The following MS4A14 variants were observed in gnomAD, a reference collection of about 807,000 sequenced individuals.
The protein encoded by MS4A14 is membrane-spanning 4-domains subfamily A member 14.
In MS4A14, 18 loss-of-function variants were observed where a neutral mutation model predicts 16.7. The ratio of observed to expected loss-of-function variants is 1.08; its 90% confidence interval spans 0.75 to 1.60. MS4A14 has a LOEUF of 1.60. Among genes scored for constraint, MS4A14 ranks in the 40% most tolerant of loss-of-function variants. The pLI, the probability that MS4A14 is intolerant of heterozygous loss-of-function variation, is 0.00. For missense variants in MS4A14, 812 were observed against 775.3 expected, an observed-to-expected ratio of 1.05 and a Z score of -0.56; for synonymous variants, 305 against 289.4, an observed-to-expected ratio of 1.05 and a Z score of -0.55.
Position 60,416,820 on chromosome 11 carries a change from A to C in MS4A14, c.1852A>C (p.Lys618Gln). 6.2e-7 allele frequency: 1 copy of C among 1,613,760 alleles called. No individual in the cohort carries two copies. Among genetic ancestry groups the C allele is most frequent in the Non-Finnish European group, 8.5e-7 (1 of 1,179,834 alleles). The change falls in exon 5 of 5, where the codon AAA (lysine) becomes CAA (glutamine). Residue 618 changes from lysine to glutamine, a missense_variant. Lys to Gln is a moderately conservative substitution (Grantham distance 53). Coordinates refer to ENST00000300187, the MANE Select transcript of MS4A14 (RefSeq NM_032597.5). The part of the protein sequence containing the change: ...DQPAQEKKSP[K>Q]GQFQNVQAEG... ...GCCGGCCCAAGAGAAGAAATCCCCG[A>C]AAGGACAATTCCAAAATGTTCAAGC...
chr11:60,402,536 G>C (rs1190757784), intron 3 of MS4A14, among the ~76,000 whole-genome samples: 1 of 152,140 alleles, frequency 6.6e-6, no homozygotes, highest in African/African-American at 2.4e-5. Context: ...CAGGAGATTA[G>C]GTTACTTGCC....
chr11:60,400,377 A>T, intron 2 of MS4A14, 27 bp from the exon 3 acceptor site: 1 of 1,541,330 alleles, frequency 6.5e-7, no homozygotes. Flanking sequence ...ATCACCTGTT[A>T]ACTTTTGTCT....
At position 60,400,481 on chromosome 11, in the gene MS4A14, T is replaced by C. The variant is rs11826388; in HGVS notation, c.318+27T>C. On this transcript the variant is annotated intron_variant, in intron 3 of 4. Coordinates refer to ENST00000300187, the MANE Select transcript of MS4A14 (RefSeq NM_032597.5). The stretch of plus-strand genomic sequence containing the variant: ...TAAGCCACTTAAACTACATAAAATT[T>C]AAAATCTTCTATTTGTTTTATATCA... The C allele has an allele frequency of 1.4e-3, 2,102 of 1,493,396 alleles. 41 individuals are homozygous for C. The African/African-American group carries it at 0.027, about 19-fold the overall frequency. The allele number at this position is 1,493,396 out of a possible 1,614,324, so 92.5% of individuals were successfully genotyped here.
rs745552189 is a variant in MS4A14, at chr11:60,396,733, C to T, written c.138+17C>T. ...GTCTTGGGGGTAAGTCCTCTCCAGT[C>T]AATAGGTCTTCCAGAAGGGGAGAAA... is the stretch of plus-strand genomic sequence containing the variant. On this transcript the variant is annotated intron_variant, in intron 1 of 4. Coordinates refer to ENST00000300187, the MANE Select transcript of MS4A14 (RefSeq NM_032597.5). 20 of 1,607,950 alleles carry T rather than the reference C, an allele frequency of 1.2e-5. No individual in the cohort carries two copies. In the East Asian group the frequency reaches 4.5e-4, roughly 36 times the overall value.
At chr11:60,397,453 G>T (rs890823433) in intron 1 of MS4A14, among the ~76,000 whole-genome samples, 1 of 152,076 alleles carries the variant, frequency 6.6e-6, no homozygotes, top group African/African-American at 2.4e-5. Flanking sequence ...GGGGGTGGGG[G>T]CTGTTAGGAT....
At position 60,416,586 on chromosome 11, in the gene MS4A14, T is replaced by G; in HGVS notation, c.1618T>G (p.Trp540Gly). 1.9e-6 allele frequency: 3 copies of G among 1,613,850 alleles called. No individual in the cohort carries two copies. Among genetic ancestry groups the G allele is most frequent in the Non-Finnish European group, 2.5e-6 (3 of 1,179,930 alleles). Residue 540 changes from tryptophan (W) to glycine (G), a missense_variant, in exon 5 of 5, where the codon TGG (tryptophan) becomes GGG (glycine). Transcript: ENST00000300187. ...QKSLDQQIKD[W>G]LSPKRHSVDK... ...ATCCTTAGACCAGCAAATCAAAGAC[T>G]GGCTATCCCCAAAGAGGCACTCCGT...
intron 4 of MS4A14, among the ~76,000 whole-genome samples, chr11:60,407,222 C>T (rs1477207190): frequency 4.6e-5 from 7 of 151,890 alleles, no homozygotes; most frequent in African/African-American, 1.5e-4. Flanking sequence ...GGTTTTGCCA[C>T]GTTGCCCAGG....
Position 60,416,292 on chromosome 11 carries a change from C to T in MS4A14, c.1324C>T (p.Pro442Ser), listed in dbSNP as rs754046117. 3 of 1,613,844 alleles carry T rather than the reference C, an allele frequency of 1.9e-6. No homozygotes were observed. The highest frequency in any genetic ancestry group is 2.7e-5 in the African/African-American group (2 of 74,878). Residue 442 changes from proline (P) to serine (S), a missense_variant, in exon 5 of 5, where the codon CCA (proline) becomes TCA (serine). Physicochemically the swap from Pro to Ser is moderately conservative, Grantham distance 74. Coordinates refer to ENST00000300187, the MANE Select transcript of MS4A14 (RefSeq NM_032597.5). ...HLLQQPPDLQ[P>S]ENTEPQNQQI... ...ACTTCAGCAGCCCCCAGATCTTCAA[C>T]CAGAAAACACTGAACCTCAAAACCA...
At chr11:60,402,779 A>G (rs150462937) in intron 3 of MS4A14, 133 bp from the exon 4 acceptor site, 4 of 891,442 alleles carry the variant, frequency 4.5e-6, no homozygotes, top group East Asian at 2.5e-5. Flanking sequence ...AAGCCTTCCA[A>G]TCATACTGAC....
intron 3 of MS4A14, among the ~76,000 whole-genome samples, chr11:60,401,937 G>A (rs1036296514): frequency 3.3e-5 from 5 of 152,316 alleles, no homozygotes; most frequent in African/African-American, 1.2e-4. Flanking sequence ...GCCACACCAA[G>A]CCACAAACTT....
intron 4 of MS4A14, 59 bp from the exon 5 acceptor site, chr11:60,415,378 C>T: frequency 7.8e-7 from 1 of 1,288,844 alleles, no homozygotes. Flanking sequence ...ACTTGGAAAA[C>T]AAAAAAAAAA....
intron 4 of MS4A14, chr11:60,405,819 T>C: frequency 8.6e-7 from 1 of 1,163,404 alleles, no homozygotes; most frequent in East Asian, 2.6e-5. Flanking sequence ...GTGTAAGGGG[T>C]TCTCAGCTTA....
intron 2 of MS4A14, among the ~76,000 whole-genome samples, chr11:60,400,126 C>T (rs2085689351): frequency 6.6e-6 from 1 of 152,134 alleles, no homozygotes; most frequent in Non-Finnish European, 1.5e-5. Flanking sequence ...CTTTTTGGAG[C>T]CCCAGCCGGA....
chr11:60,407,276 C>T (rs1325221467), intron 4 of MS4A14, among the ~76,000 whole-genome samples: 12 of 152,168 alleles, frequency 7.9e-5, no homozygotes, highest in Admixed American at 7.9e-4. Flanking sequence ...CCACCATGAC[C>T]TTCCAAAGTT....
In MS4A14 at chr11:60,415,741, A is replaced by G; in HGVS notation, c.773A>G (p.Lys258Arg). 2 of 1,613,932 alleles carry G rather than the reference A, an allele frequency of 1.2e-6. No individual in the cohort carries two copies. Among genetic ancestry groups the G allele is most frequent in the Non-Finnish European group, 1.7e-6 (2 of 1,179,892 alleles). ...IEPLPPTLEK[K>R]PSENMSIQLD... ...CCTTTGCCTCCCACACTAGAGAAAA[A>G]GCCCTCAGAAAATATGTCCATTCAG... is the stretch of plus-strand genomic sequence containing the variant. Residue 258 changes from lysine (K) to arginine (R), a missense_variant, in exon 5 of 5, where the codon AAG (lysine) becomes AGG (arginine). Physicochemically the swap from Lys to Arg is conservative, Grantham distance 26 (BLOSUM62 2). Coordinates refer to ENST00000300187, the MANE Select transcript of MS4A14 (RefSeq NM_032597.5).
rs1565181793 is a variant in MS4A14 at position 60,416,622 on chromosome 11, G to A, written c.1654G>A (p.Ala552Thr). 10 of 1,613,894 alleles carry A rather than the reference G, an allele frequency of 6.2e-6. No homozygotes were observed. Among genetic ancestry groups the A allele is most frequent in the Middle Eastern group, 3.3e-4 (2 of 6,062 alleles). ...AAAGAGGCACTCCGTAGATAAGCAA[G>A]CTCAACTTAATCAAACTAAAGAGCA... ...SPKRHSVDKQ[A>T]QLNQTKEQLP... is the part of the protein sequence containing the mutation. Residue 552 changes from alanine (A) to threonine (T), a missense_variant, in exon 5 of 5, where the codon GCT becomes ACT. Ala to Thr is a moderately conservative substitution (Grantham distance 58). Coordinates refer to ENST00000300187, the MANE Select transcript of MS4A14 (RefSeq NM_032597.5).
chr11:60,407,886 A>T (rs1342223351), intron 4 of MS4A14, among the ~76,000 whole-genome samples: 2 of 152,112 alleles, frequency 1.3e-5, no homozygotes, highest in Admixed American at 1.3e-4. Context: ...GAAAAAAACA[A>T]ATTTGATGAA....
At chr11:60,399,434 T>C (rs759400527) in intron 2 of MS4A14, among the ~76,000 whole-genome samples, 1 of 152,144 alleles carries the variant, frequency 6.6e-6, no homozygotes, top group African/African-American at 2.4e-5. Context: ...AATGAGGCTA[T>C]AAAGGTAGGG....
intron 2 of MS4A14, among the ~76,000 whole-genome samples, chr11:60,399,534 G>A (rs1305852073): frequency 6.6e-6 from 1 of 152,218 alleles, no homozygotes; most frequent in Non-Finnish European, 1.5e-5. Flanking sequence ...CGTTTTTAAA[G>A]AGGATAGTGA....
Sources: allele counts gnomAD v4.1 joint callset (sites outside exome capture counted in the v4.1 genomes callset), GRCh38; gene constraint gnomAD v4.1.1; transcripts MANE v1.5; gene names NCBI Gene and HGNC (gene_info 2026-07-23, HGNC 2026-07-21).